Variants in ABTB2 observed in about 807,000 individuals in gnomAD.
ABTB2 encodes the protein ankyrin repeat and BTB/POZ domain-containing protein 2.
ABTB2 carries 56 observed loss-of-function variants against 104.1 expected under a neutral mutation model. That is an observed-to-expected ratio of 0.54 (90% CI 0.43 to 0.67). The LOEUF is 0.67. Ranked by LOEUF, ABTB2 falls within the 30% of genes least tolerant of loss-of-function variation. The pLI is 0.00. For missense variants in ABTB2, 1,279 were observed against 1,407.7 expected (o/e 0.91, Z 1.46); for synonymous variants, 606 against 608.2 (o/e 1.00, Z 0.05).
intron 1 of ABTB2, among the ~76,000 whole-genome samples, chr11:34,285,661 T>C (rs1854497302): frequency 6.6e-6 from 1 of 152,184 alleles, no homozygotes; most frequent in Admixed American, 6.5e-5. Flanking sequence ...CACAAAATGC[T>C]AGATTCACTC....
intron 1 of ABTB2, among the ~76,000 whole-genome samples, chr11:34,345,715 C>T (rs1855322817): frequency 6.6e-6 from 1 of 152,196 alleles, no homozygotes; most frequent in South Asian, 2.1e-4. Flanking sequence ...CTGGCCTGCC[C>T]AGCTGGTACT....
chr11:34,162,445 C>T lies in ABTB2; in HGVS notation c.2218+131G>A, dbSNP rs186118771. 7.9e-5 allele frequency: 80 copies of T among 1,010,454 alleles called. No homozygotes were observed. In the African/African-American group the frequency reaches 8.8e-4, roughly 11 times the overall value. 62.6% of individuals were successfully genotyped at this position (1,010,454 alleles called of 1,614,324 possible). A position where few individuals can be genotyped will look rare whatever the true frequency, so the allele number is the denominator to read the frequency against. ...GGTCCCAGCCTCCACCCAGTCTGTG[C>T]TCAGCTGCCCTGGGGCTTGTCTGTC... On this transcript the variant is annotated intron_variant, in intron 10 of 16. Coordinates refer to ENST00000435224, the MANE Select transcript of ABTB2 (RefSeq NM_145804.3).
At chr11:34,159,499 A>C in intron 13 of ABTB2, 113 bp from the exon 14 acceptor site, 1 of 722,534 alleles carries the variant, frequency 1.4e-6, no homozygotes, top group Non-Finnish European at 2.4e-6. Flanking sequence ...CATTTTAAAA[A>C]TTACTGCTGT....
At chr11:34,171,110 C>A in intron 4 of ABTB2, 39 bp from the exon 5 acceptor site, 1 of 1,595,686 alleles carries the variant, frequency 6.3e-7, no homozygotes, top group Non-Finnish European at 8.6e-7. Context: ...TGACTGTATG[C>A]AGACAGCAAC....
intron 1 of ABTB2, among the ~76,000 whole-genome samples, chr11:34,307,114 A>G (rs187752035): frequency 3.5e-4 from 54 of 152,220 alleles, no homozygotes; most frequent in Non-Finnish European, 4.6e-4. Flanking sequence ...AGATCCTGGT[A>G]TCCTAAGTCA....
chr11:34,204,031 T>C (rs1853376059), intron 2 of ABTB2, among the ~76,000 whole-genome samples: 1 of 152,186 alleles, frequency 6.6e-6, no homozygotes, highest in Non-Finnish European at 1.5e-5. Flanking sequence ...AAGTTCCAAG[T>C]GTGTGCCACA....
chr11:34,197,219 C>T lies in ABTB2; in HGVS notation c.1244+106G>A, dbSNP rs2133036179. 3.2e-6 allele frequency: 4 copies of T among 1,238,702 alleles called. No individual in the cohort carries two copies. The South Asian group carries it at 3.7e-5, about 12-fold the overall frequency. The allele number at this position is 1,238,702 out of a possible 1,614,324, so 76.7% of individuals were successfully genotyped here. ...TCACAGGCATAGCACAGTTCCAGGG[C>T]CCCTTCCTCGCCCTGTTGGTCAGTC... is the stretch of plus-strand genomic sequence containing the variant. On this transcript the variant is annotated intron_variant, in intron 3 of 16. Transcript: ENST00000435224.
intron 1 of ABTB2, among the ~76,000 whole-genome samples, chr11:34,217,485 A>G (rs986465226): frequency 2.3e-4 from 35 of 152,086 alleles, no homozygotes; most frequent in Admixed American, 1.2e-3. Context: ...GTTTTCAGAC[A>G]GAGTCTCACT....
At chr11:34,175,210 C>T (rs1852946866) in intron 3 of ABTB2, among the ~76,000 whole-genome samples, 1 of 152,230 alleles carries the variant, frequency 6.6e-6, no homozygotes, top group Non-Finnish European at 1.5e-5. Context: ...TCCTTGAGGG[C>T]AAAGAATGCT....
At chr11:34,268,393 G>T (rs1236634714) in intron 1 of ABTB2, among the ~76,000 whole-genome samples, 1 of 152,240 alleles carries the variant, frequency 6.6e-6, no homozygotes, top group Non-Finnish European at 1.5e-5. Flanking sequence ...CTTAGTGGAT[G>T]CTAGGGATGG....
chr11:34,183,490 T>C (rs1462695423), intron 3 of ABTB2, among the ~76,000 whole-genome samples: 4 of 152,306 alleles, frequency 2.6e-5, no homozygotes, highest in African/African-American at 9.6e-5. Context: ...CCAGAACATA[T>C]GGTCACCGTA....
chr11:34,248,117 A>C (rs868583962), intron 1 of ABTB2, among the ~76,000 whole-genome samples: 7 of 134,030 alleles, frequency 5.2e-5, no homozygotes, highest in Non-Finnish European at 7.9e-5. Flanking sequence ...AAAAAAAAAA[A>C]AAAAACAGGG....
intron 1 of ABTB2, among the ~76,000 whole-genome samples, chr11:34,254,358 C>G (rs1696005517): frequency 6.6e-6 from 1 of 152,080 alleles, no homozygotes. Context: ...AGCGATCCTA[C>G]CACCTCAGCC....
intron 1 of ABTB2, among the ~76,000 whole-genome samples, chr11:34,338,052 C>T (rs1377241904): frequency 4.6e-5 from 7 of 151,904 alleles, no homozygotes; most frequent in African/African-American, 2.4e-5. Flanking sequence ...CAAACCTGCC[C>T]GTTTATCTAG....
intron 5 of ABTB2, among the ~76,000 whole-genome samples, chr11:34,169,844 C>T (rs905300044): frequency 2.6e-5 from 4 of 152,160 alleles, no homozygotes; most frequent in African/African-American, 9.7e-5. Context: ...TCCTGCCCTC[C>T]CCCAGGCTCG....
intron 3 of ABTB2, among the ~76,000 whole-genome samples, chr11:34,180,144 C>G (rs1360661966): frequency 2.0e-5 from 3 of 152,230 alleles, no homozygotes; most frequent in Non-Finnish European, 4.4e-5. Flanking sequence ...TTGCCTTCCC[C>G]CCACAGCAAG....
intron 1 of ABTB2, among the ~76,000 whole-genome samples, chr11:34,307,384 A>G (rs1271113): frequency 0.61 from 92,995 of 151,998 alleles, 30,312 homozygotes; most frequent in African/African-American, 0.82. Flanking sequence ...ATCTTCCCCC[A>G]CCTCCTCATA....
intron 1 of ABTB2, among the ~76,000 whole-genome samples, chr11:34,223,878 CTG>C (rs1853656390): frequency 6.6e-6 from 1 of 152,192 alleles, no homozygotes; most frequent in African/African-American, 2.4e-5. Context: ...CTCTCTGGTA[CTG>C]TGTCTACACC....
At chr11:34,286,507 G>T (rs926181428) in intron 1 of ABTB2, among the ~76,000 whole-genome samples, 11 of 152,162 alleles carry the variant, frequency 7.2e-5, no homozygotes, top group Non-Finnish European at 1.3e-4. Context: ...TGTCCAGGCT[G>T]GTCTTGAACT....
Sources: gnomAD v4.1 joint callset for allele counts (sites outside exome capture counted in the v4.1 genomes callset) on GRCh38, gnomAD v4.1.1 for gene constraint, MANE v1.5 for transcripts, NCBI Gene and HGNC (gene_info 2026-07-23, HGNC 2026-07-21) for gene names.